Variants in PDE2A observed in about 807,000 individuals in gnomAD.
PDE2A encodes phosphodiesterase 2A.
A neutral mutation model predicts 133.6 loss-of-function variants in PDE2A; 53 were observed. The observed-to-expected ratio is 0.40, with a 90% confidence interval of 0.32 to 0.50. The LOEUF (loss-of-function observed/expected upper bound fraction) is 0.50. PDE2A is among the 20% of genes least tolerant of loss of function. The probability of loss-of-function intolerance (pLI) is 0.73; values close to 1 mark genes in which losing one functional copy is unlikely to be tolerated. For synonymous variants in PDE2A, 491 were observed against 490.2 expected (o/e 1.00, Z -0.02); for missense variants, 796 against 1,232.4 (o/e 0.65, Z 5.30).
intron 19 of PDE2A, 130 bp from the exon 20 acceptor site, chr11:72,583,645 C>T: frequency 2.9e-6 from 2 of 691,822 alleles, no homozygotes; most frequent in Non-Finnish European, 5.2e-6. Context: ...TCAAAACCTT[C>T]AAGCTCCAGT....
intron 21 of PDE2A, 57 bp from the exon 22 acceptor site, chr11:72,582,004 G>C: frequency 7.5e-7 from 1 of 1,331,388 alleles, no homozygotes; most frequent in Admixed American, 1.7e-5. Flanking sequence ...CGGGGCCCTT[G>C]CCTGGGTCCT....
rs764709408 is a variant in PDE2A at position 72,636,140 on chromosome 11, G to A, written c.144+6114C>T. On this transcript the variant is annotated intron_variant, in intron 2 of 30. Coordinates refer to ENST00000334456, the MANE Select transcript of PDE2A (RefSeq NM_002599.5). The stretch of plus-strand genomic sequence containing the variant: ...AGCCACCAGCCAGAGTACAGGCTCT[G>A]CAGAGGAGGGGCCCTGCCGGCTACT... 16 of 1,177,426 alleles carry A rather than the reference G, an allele frequency of 1.4e-5. No homozygotes were observed. The South Asian group carries it at 1.9e-4, about 14-fold the overall frequency. 72.9% of individuals were successfully genotyped at this position (1,177,426 alleles called of 1,614,324 possible). A position where few individuals can be genotyped will look rare whatever the true frequency, so the allele number is the denominator to read the frequency against.
chr11:72,664,749 C>T (rs1196126322), intron 1 of PDE2A, among the ~76,000 whole-genome samples: 1 of 151,996 alleles, frequency 6.6e-6, no homozygotes, highest in Non-Finnish European at 1.5e-5. Flanking sequence ...TTAAAGGTCA[C>T]TCTGTAAACA....
At chr11:72,603,245 C>T (rs1337027628) in intron 4 of PDE2A, among the ~76,000 whole-genome samples, 2 of 152,148 alleles carry the variant, frequency 1.3e-5, no homozygotes, top group African/African-American at 4.8e-5. Context: ...CCCATCTCCA[C>T]TGAGCTCTGG....
intron 1 of PDE2A, among the ~76,000 whole-genome samples, chr11:72,646,369 C>T (rs931768045): frequency 3.9e-5 from 6 of 152,252 alleles, no homozygotes; most frequent in Non-Finnish European, 8.8e-5. Context: ...CCAGATCCAA[C>T]AGCCTCAGGA....
intron 4 of PDE2A, among the ~76,000 whole-genome samples, chr11:72,600,100 G>A (rs2135336020): frequency 6.6e-6 from 1 of 152,356 alleles, no homozygotes; most frequent in East Asian, 1.9e-4. Context: ...GGTGTGACTG[G>A]ACAGCCGAGA....
In PDE2A at chr11:72,578,089, G is replaced by A. The variant is rs138885409; in HGVS notation, c.2615+144C>T. On this transcript the variant is annotated intron_variant, in intron 30 of 30. Transcript: ENST00000334456. This position sits in a 1 kb window ranked among gnomAD's most constrained non-coding sequence, Gnocchi z 4.2. ...TGAAGGACCCACTGAGGGGCACAGC[G>A]GGAGACAGTTATGCCCAGAGGCAAG... 181 of 660,086 alleles carry A rather than the reference G, an allele frequency of 2.7e-4. No homozygotes were observed. Among genetic ancestry groups the A allele is most frequent in the Non-Finnish European group, 3.8e-4 (140 of 364,132 alleles). The allele number at this position is 660,086 out of a possible 1,614,324, so 40.9% of individuals were successfully genotyped here. A position where few individuals can be genotyped will look rare whatever the true frequency, so the allele number is the denominator to read the frequency against.
In PDE2A at chr11:72,579,366, C is replaced by T. The variant is rs1014436930; in HGVS notation, c.2274G>A (p.Leu758=). Residue 758 remains leucine, a synonymous_variant, in exon 27 of 31, where the codon CTG becomes CTA. Coordinates refer to ENST00000334456, the MANE Select transcript of PDE2A (RefSeq NM_002599.5). ...CCAAGATGATGTCCCGCATCAGATC[C>T]AGCATGCGCTGATAGTCCTGAGGCG... ...HFSRKDYQRM[L]DLMRDIILAT... The T allele has an allele frequency of 1.2e-6, 2 of 1,613,582 alleles. No individual in the cohort carries two copies. Among genetic ancestry groups the T allele is most frequent in the African/African-American group, 2.7e-5 (2 of 74,912 alleles).
intron 6 of PDE2A, among the ~76,000 whole-genome samples, chr11:72,593,369 C>T (rs985968155): frequency 6.6e-6 from 1 of 152,172 alleles, no homozygotes; most frequent in Non-Finnish European, 1.5e-5. Flanking sequence ...CCCACACACT[C>T]ATGGCTTTTT....
At chr11:72,604,214 A>T (rs1856872647) in intron 4 of PDE2A, among the ~76,000 whole-genome samples, 1 of 152,236 alleles carries the variant, frequency 6.6e-6, no homozygotes, top group South Asian at 2.1e-4. Flanking sequence ...TCCTCCCAGC[A>T]GCATGCCTGC....
chr11:72,603,094 T>A (rs1591054359), intron 4 of PDE2A, among the ~76,000 whole-genome samples: 1 of 152,202 alleles, frequency 6.6e-6, no homozygotes, highest in East Asian at 1.9e-4. Flanking sequence ...AAAGAATTCC[T>A]GTTTGGGGAT....
chr11:72,674,084 G>C, intron 1 of PDE2A, 53 bp downstream of exon 1: 1 of 1,568,028 alleles, frequency 6.4e-7, no homozygotes, highest in Non-Finnish European at 8.7e-7. Context: ...CCAGGACCCT[G>C]TCTGTGGCAC....
intron 6 of PDE2A, among the ~76,000 whole-genome samples, chr11:72,593,787 AT>A (rs1308908537): frequency 6.6e-6 from 1 of 152,190 alleles, no homozygotes; most frequent in Non-Finnish European, 1.5e-5. Context: ...TGGCCAGCAT[AT>A]TCCTCAGAGA....
intron 4 of PDE2A, chr11:72,598,463 C>T (rs146748073): frequency 0.011 from 13,820 of 1,266,612 alleles, 105 homozygotes; most frequent in Middle Eastern, 0.021. Context: ...ACACAACCCA[C>T]CTCCTCTACC....
At chr11:72,645,965 C>A (rs565279562) in intron 1 of PDE2A, among the ~76,000 whole-genome samples, 3 of 152,324 alleles carry the variant, frequency 2.0e-5, no homozygotes, top group Admixed American at 6.5e-5. Flanking sequence ...CCAGTCTGTG[C>A]CTTAAATACA....
At chr11:72,638,290 G>A (rs1858794094) in intron 2 of PDE2A, among the ~76,000 whole-genome samples, 1 of 152,216 alleles carries the variant, frequency 6.6e-6, no homozygotes, top group South Asian at 2.1e-4. Flanking sequence ...CCCCTCATCC[G>A]ATGGACCCCA....
chr11:72,620,355 G>A (rs1420866130), intron 2 of PDE2A, among the ~76,000 whole-genome samples: 2 of 152,158 alleles, frequency 1.3e-5, no homozygotes, highest in African/African-American at 4.8e-5. Flanking sequence ...CCACAAGGGG[G>A]ACTGACCAGA....
At chr11:72,579,154 G>A (rs569151395) in intron 27 of PDE2A, 130 bp downstream of exon 27, 5 of 947,848 alleles carry the variant, frequency 5.3e-6, no homozygotes, top group Non-Finnish European at 8.5e-6. Context: ...GTCTGCCTGG[G>A]GGGGGCCGTG....
chr11:72,581,558 C>T (rs1166309013), intron 22 of PDE2A, 79 bp from the exon 23 acceptor site: 2 of 1,454,600 alleles, frequency 1.4e-6, no homozygotes, highest in Non-Finnish European at 1.9e-6. Context: ...AACTACATGT[C>T]CCCTCCATCC....
Sources: allele counts gnomAD v4.1 joint callset (sites outside exome capture counted in the v4.1 genomes callset), GRCh38; gene constraint gnomAD v4.1.1; non-coding constraint Gnocchi (gnomAD v3.1); transcripts MANE v1.5; gene names NCBI Gene and HGNC (gene_info 2026-07-23, HGNC 2026-07-21).